COL23A1: variants seen among roughly 807,000 people sequenced by gnomAD.
COL23A1 encodes the protein collagen alpha-1(XXIII) chain.
A neutral mutation model predicts 99.3 loss-of-function variants in COL23A1; 97 were observed. That is an observed-to-expected ratio of 0.98 (90% CI 0.83 to 1.16). COL23A1 has a LOEUF of 1.16. Ranked by LOEUF, COL23A1 falls within the 50% of genes most tolerant of loss-of-function variation. The pLI is 0.00. For missense variants in COL23A1, 762 were observed against 757.4 expected, an observed-to-expected ratio of 1.01 and a Z score of -0.07; for synonymous variants, 320 against 308.2, an observed-to-expected ratio of 1.04 and a Z score of -0.40.
rs1193425079 is a variant in COL23A1, at chr5:178,281,042, G to A, written c.441+7282C>T. On this transcript the variant is annotated intron_variant, in intron 5 of 28. Coordinates refer to ENST00000390654, the MANE Select transcript of COL23A1 (RefSeq NM_173465.4). The surrounding 1 kb of genome is among the most constrained non-coding windows in gnomAD (Gnocchi z 4.0). ...GGGCCCTGGGGAGAACGGCCAGCAT[G>A]GTGGCCCTGGTTGCATCTCCCTGAG... is the stretch of plus-strand genomic sequence containing the variant. Among the ~76,000 whole-genome samples the A allele has an allele frequency of 6.6e-6, 1 of 152,152 alleles. No individual in the cohort carries two copies. Among genetic ancestry groups the A allele is most frequent in the Admixed American group, 6.5e-5 (1 of 15,282 alleles).
chr5:178,588,382 A>G (rs563391915), intron 1 of COL23A1, among the ~76,000 whole-genome samples: 9 of 152,296 alleles, frequency 5.9e-5, no homozygotes, highest in African/African-American at 1.2e-4. Flanking sequence ...GATTTACTCA[A>G]TCAGGGCTTG....
intron 5 of COL23A1, among the ~76,000 whole-genome samples, chr5:178,275,838 C>A (rs72819042): frequency 2.7e-4 from 41 of 152,054 alleles, no homozygotes; most frequent in Non-Finnish European, 3.4e-4. Context: ...CGGTCCTGAC[C>A]GATCAATGAC....
chr5:178,253,707 T>C (rs1446119784), intron 16 of COL23A1, among the ~76,000 whole-genome samples: 1 of 151,648 alleles, frequency 6.6e-6, no homozygotes, highest in Non-Finnish European at 1.5e-5. Context: ...GGTCTCGAAC[T>C]CCTCACCTCG....
intron 7 of COL23A1, among the ~76,000 whole-genome samples, chr5:178,268,457 T>C (rs923433738): frequency 6.6e-6 from 1 of 152,168 alleles, no homozygotes; most frequent in African/African-American, 2.4e-5. Context: ...TGGACACTCG[T>C]CATTCTGGGA....
chr5:178,270,597 C>T (rs147806830), intron 5 of COL23A1, among the ~76,000 whole-genome samples: 68 of 152,312 alleles, frequency 4.5e-4, no homozygotes, highest in African/African-American at 1.6e-3. Flanking sequence ...AGACCACCCC[C>T]CATCTCAACC....
chr5:178,247,878 C>T (rs1056196206), intron 20 of COL23A1, 47 bp from the exon 21 acceptor site: 6 of 1,499,616 alleles, frequency 4.0e-6, no homozygotes, highest in Admixed American at 1.8e-5. Flanking sequence ...CTGTCACCCT[C>T]ACCTACCCGC....
intron 2 of COL23A1, among the ~76,000 whole-genome samples, chr5:178,555,138 T>C (rs948503787): frequency 6.6e-6 from 1 of 152,202 alleles, no homozygotes; most frequent in Non-Finnish European, 1.5e-5. Flanking sequence ...TCACATGGCC[T>C]GCCCTCTGCA....
intron 3 of COL23A1, among the ~76,000 whole-genome samples, chr5:178,303,184 G>T (rs1269505129): frequency 6.6e-6 from 1 of 152,156 alleles, no homozygotes; most frequent in Non-Finnish European, 1.5e-5. Flanking sequence ...ATTTTTAGTA[G>T]AGATGGGGTT....
At chr5:178,248,141 C>T (rs765736524) in intron 20 of COL23A1, 51 bp downstream of exon 20, 2 of 1,342,496 alleles carry the variant, frequency 1.5e-6, no homozygotes, top group South Asian at 1.3e-5. Flanking sequence ...GGTCCCCACC[C>T]AGCCTGGACT....
intron 2 of COL23A1, among the ~76,000 whole-genome samples, chr5:178,383,845 T>C (rs1178371207): frequency 2.0e-5 from 3 of 148,070 alleles, no homozygotes; most frequent in Admixed American, 6.8e-5. Context: ...GGCCTCACGC[T>C]GGACATGGTA....
In COL23A1 at chr5:178,246,152, AGT is replaced by A. The variant is rs1561784305; in HGVS notation, c.1413+100_1413+101del. On this transcript the variant is annotated intron_variant, in intron 24 of 28. Coordinates refer to ENST00000390654, the MANE Select transcript of COL23A1 (RefSeq NM_173465.4). Reference sequence around the variant, plus strand: ...CAGAGCCTGAACTCTGGCCCTGCGAAGTGCAGGGACCCAGTGAGGTACAGGGT... The same window carrying A: ...CAGAGCCTGAACTCTGGCCCTGCGAAGCAGGGACCCAGTGAGGTACAGGGT... 7.0e-5 allele frequency: 98 copies of A among 1,395,424 alleles called. No homozygotes were observed. The African/African-American group carries it at 1.1e-3, about 15-fold the overall frequency. 86.4% of individuals were successfully genotyped at this position (1,395,424 alleles called of 1,614,324 possible). A position where few individuals can be genotyped will look rare whatever the true frequency, so the allele number is the denominator to read the frequency against.
intron 2 of COL23A1, among the ~76,000 whole-genome samples, chr5:178,386,339 T>C (rs1296659823): frequency 6.6e-6 from 1 of 151,876 alleles, no homozygotes; most frequent in East Asian, 1.9e-4. Flanking sequence ...CTTGGGAGGC[T>C]GAGGCAGGAG....
intron 1 of COL23A1, among the ~76,000 whole-genome samples, chr5:178,585,399 C>A (rs1227901922): frequency 9.0e-6 from 1 of 110,520 alleles, no homozygotes; most frequent in East Asian, 4.9e-4. Context: ...GCGGCCCTGA[C>A]TGATGTGTGG....
chr5:178,367,571 A>G (rs1159398998), intron 2 of COL23A1, among the ~76,000 whole-genome samples: 2 of 152,104 alleles, frequency 1.3e-5, no homozygotes, highest in African/African-American at 4.8e-5. Context: ...ACTAGGTCCC[A>G]CTGTACGAGC....
intron 2 of COL23A1, among the ~76,000 whole-genome samples, chr5:178,354,577 C>T (rs187291023): frequency 1.1e-4 from 16 of 152,158 alleles, no homozygotes; most frequent in South Asian, 2.1e-4. Flanking sequence ...AGTTCTCGTG[C>T]GATCTGGCTG....
chr5:178,522,864 G>C (rs1227340463), intron 2 of COL23A1, among the ~76,000 whole-genome samples: 1 of 152,096 alleles, frequency 6.6e-6, no homozygotes, highest in Non-Finnish European at 1.5e-5. Flanking sequence ...CTGATAAGAA[G>C]ATCCACCTTG....
intron 2 of COL23A1, among the ~76,000 whole-genome samples, chr5:178,524,711 C>T (rs562149750): frequency 1.3e-5 from 2 of 152,338 alleles, no homozygotes; most frequent in African/African-American, 4.8e-5. Flanking sequence ...TCTTGCCCTG[C>T]TGCCTGCCTG....
intron 1 of COL23A1, among the ~76,000 whole-genome samples, chr5:178,577,404 C>G (rs188667380): frequency 6.6e-6 from 1 of 152,358 alleles, no homozygotes; most frequent in East Asian, 1.9e-4. Context: ...CATCCGGAGG[C>G]CCAGGGGTGA....
intron 2 of COL23A1, among the ~76,000 whole-genome samples, chr5:178,517,586 G>A (rs1311467774): frequency 1.4e-5 from 1 of 73,900 alleles, no homozygotes; most frequent in African/African-American, 1.0e-4. Flanking sequence ...TTTTGAGATG[G>A]AGTCTCACTC....
Sources: allele counts gnomAD v4.1 joint callset (sites outside exome capture counted in the v4.1 genomes callset), GRCh38; gene constraint gnomAD v4.1.1; non-coding constraint Gnocchi (gnomAD v3.1); transcripts MANE v1.5; gene names NCBI Gene and HGNC (gene_info 2026-07-23, HGNC 2026-07-21).